LTF: variants seen among roughly 807,000 people sequenced by gnomAD.
LTF encodes the protein lactotransferrin, also known as epididymis luminal protein 110.
LTF carries 91 observed loss-of-function variants against 87.2 expected under a neutral mutation model. The observed-to-expected ratio is 1.04, with a 90% CI of 0.88 to 1.24. LTF has a LOEUF of 1.24. Among genes scored for constraint, LTF ranks in the 50% most tolerant of loss-of-function variants. The pLI is 0.00. For synonymous variants in LTF, 378 were observed against 356.1 expected, an observed-to-expected ratio of 1.06 and a Z score of -0.69; for missense variants, 901 against 904.3, an observed-to-expected ratio of 1.00 and a Z score of 0.05.
At chr3:46,437,616 C>T (rs1559589803) in intron 16 of LTF, among the ~76,000 whole-genome samples, 1 of 152,118 alleles carries the variant, frequency 6.6e-6, no homozygotes, top group Non-Finnish European at 1.5e-5. Flanking sequence ...AGCCATCACA[C>T]GTGGCTGGTT....
intron 1 of LTF, among the ~76,000 whole-genome samples, chr3:46,480,978 C>A (rs535895641): frequency 1.3e-5 from 2 of 152,134 alleles, no homozygotes; most frequent in Non-Finnish European, 1.5e-5. Flanking sequence ...AGTGGAAGTG[C>A]CCCAGCCTCC....
chr3:46,461,924 T>C (rs1399822593), intron 1 of LTF, among the ~76,000 whole-genome samples: 1 of 152,212 alleles, frequency 6.6e-6, no homozygotes, highest in Non-Finnish European at 1.5e-5. Context: ...CTGTCTCCTG[T>C]TTCTGAGCCA....
At chr3:46,465,058 A>C (rs1703182036), upstream of LTF, 1 of 626,198 alleles carries the variant, frequency 1.6e-6, no homozygotes, top group Non-Finnish European at 2.9e-6. Context: ...ACAGGACTCC[A>C]CACCGCGCTG....
intron 13 of LTF, among the ~76,000 whole-genome samples, chr3:46,442,310 C>G (rs755243660): frequency 6.6e-6 from 1 of 151,968 alleles, no homozygotes; most frequent in Non-Finnish European, 1.5e-5. Flanking sequence ...AATTAAGAAC[C>G]AGCATTATAA....
intron 5 of LTF, 66 bp downstream of exon 5, chr3:46,455,229 A>G: frequency 6.3e-7 from 1 of 1,597,862 alleles, no homozygotes; most frequent in Non-Finnish European, 8.6e-7. Context: ...GGGCCAGAGA[A>G]AAGGCCTCCC....
chr3:46,468,254 A>T (rs929021758), upstream of LTF: 9 of 456,618 alleles, frequency 2.0e-5, 1 homozygote, highest in Middle Eastern at 6.5e-4. Flanking sequence ...TAACTTACCC[A>T]TTCATTCAAC....
At position 46,443,310 on chromosome 3, in the gene LTF, C is replaced by G; in HGVS notation, c.1655+131G>C. 9.7e-6 allele frequency: 11 copies of G among 1,134,526 alleles called. No individual in the cohort carries two copies. The South Asian group carries it at 1.5e-4, about 16-fold the overall frequency. 70.3% of individuals were successfully genotyped at this position (1,134,526 alleles called of 1,614,324 possible). ...TGGGGACAGCCCTCACTGGGGCCAC[C>G]CATGAGCTGACCCACAGGATGACCC... On this transcript the variant is annotated intron_variant, in intron 13 of 16. Coordinates refer to ENST00000231751, the MANE Select transcript of LTF (RefSeq NM_002343.6).
At chr3:46,461,859 T>C (rs893283719) in intron 1 of LTF, among the ~76,000 whole-genome samples, 1 of 151,812 alleles carries the variant, frequency 6.6e-6, no homozygotes, top group African/African-American at 2.4e-5. Flanking sequence ...AAACACACAG[T>C]TGTAAAAGCC....
chr3:46,477,991 A>T (rs1224977969), intron 1 of LTF, among the ~76,000 whole-genome samples: 1 of 152,100 alleles, frequency 6.6e-6, no homozygotes, highest in African/African-American at 2.4e-5. Flanking sequence ...CTTCCTTCTC[A>T]AGCTAACCCA....
At chr3:46,480,171 T>C (rs914199633) in intron 1 of LTF, among the ~76,000 whole-genome samples, 2 of 152,218 alleles carry the variant, frequency 1.3e-5, no homozygotes, top group Non-Finnish European at 2.9e-5. Context: ...ATTGTTGCTA[T>C]AAAAGCCAAA....
At chr3:46,482,442 C>A (rs1034267580) in intron 1 of LTF, among the ~76,000 whole-genome samples, 3 of 143,694 alleles carry the variant, frequency 2.1e-5, no homozygotes, top group South Asian at 4.4e-4. Flanking sequence ...TGAACTCCAG[C>A]CTGGACATTA....
chr3:46,450,035 A>T lies in LTF; in HGVS notation c.883-7T>A. 1.3e-6 allele frequency: 2 copies of T among 1,575,126 alleles called. No homozygotes were observed. On this transcript the variant is annotated splice_region_variant and splice_polypyrimidine_tract_variant and intron_variant, in intron 7 of 16. Coordinates refer to ENST00000231751, the MANE Select transcript of LTF (RefSeq NM_002343.6). ...TGTCCTTTCCAAACTTTTCCTAATT[A>T]AGAAAAAATAGAATTATGGTGTCAA...
At chr3:46,479,052 C>G (rs1454583325) in intron 1 of LTF, among the ~76,000 whole-genome samples, 1 of 152,172 alleles carries the variant, frequency 6.6e-6, no homozygotes. Context: ...CAGTTCTGCC[C>G]CCAAGGGCAA....
chr3:46,447,420 C>T (rs766264386), intron 9 of LTF, 22 bp from the exon 10 acceptor site: 1 of 1,554,324 alleles, frequency 6.4e-7, no homozygotes, highest in Non-Finnish European at 8.9e-7. Flanking sequence ...GAGCAGATCT[C>T]CAGCACCACA....
chr3:46,470,597 A>C (rs1703270301), intron 1 of LTF: 1 of 152,274 alleles, frequency 6.6e-6, no homozygotes, highest in Non-Finnish European at 1.5e-5. Flanking sequence ...TCCAGGCTAG[A>C]GATGCCCAGC....
intron 1 of LTF, 109 bp from the exon 2 acceptor site, chr3:46,459,928 C>T (rs1703038533): frequency 5.7e-6 from 4 of 699,694 alleles, no homozygotes; most frequent in East Asian, 6.8e-5. Flanking sequence ...GGCTGCCCTC[C>T]TTCCCTCTCC....
At chr3:46,450,352 C>G in intron 7 of LTF, 143 bp downstream of exon 7, 1 of 867,322 alleles carries the variant, frequency 1.2e-6, no homozygotes, top group Non-Finnish European at 1.8e-6. Context: ...ACAGTACAGC[C>G]TGGGCAAGCA....
chr3:46,479,985 G>C (rs1703412689), intron 1 of LTF, among the ~76,000 whole-genome samples: 1 of 152,186 alleles, frequency 6.6e-6, no homozygotes. Flanking sequence ...TGTTTGGCCT[G>C]AGAAACTAAA....
rs142854111 is a variant in LTF, at chr3:46,448,971, C to A, written c.1104G>T (p.Ala368=). The change falls in exon 9 of 17, where the codon GCG becomes GCT. Residue 368 remains alanine (A), a synonymous_variant. Coordinates refer to ENST00000231751, the MANE Select transcript of LTF (RefSeq NM_002343.6). ...ACTTGCGCAGCTCCTGCTCGCCCAC[C>A]GCACACCACACGACCCGCGCACGCC... The part of the protein sequence containing the change: ...AARRARVVWC[A]VGEQELRKCN... 3.0e-5 allele frequency: 48 copies of A among 1,613,454 alleles called. No homozygotes were observed. The Admixed American group carries it at 4.2e-4, about 14-fold the overall frequency.
Sources: gnomAD v4.1 joint callset for allele counts (sites outside exome capture counted in the v4.1 genomes callset) on GRCh38, gnomAD v4.1.1 for gene constraint, MANE v1.5 for transcripts, NCBI Gene and HGNC (gene_info 2026-07-23, HGNC 2026-07-21) for gene names.